RANBP10: variants seen among roughly 807,000 people sequenced by gnomAD.
The protein encoded by RANBP10 is ran-binding protein 10.
Under a neutral mutation model 72.8 loss-of-function variants are expected in RANBP10, and 24 were observed. The observed-to-expected ratio is 0.33, with a 90% CI of 0.24 to 0.46. The LOEUF (loss-of-function observed/expected upper bound fraction) is 0.46, where lower values mean the gene tolerates loss of function less well. RANBP10 is among the 20% of genes least tolerant of loss of function. The probability of loss-of-function intolerance (pLI) is 1.00; values close to 1 mark genes in which losing one functional copy is unlikely to be tolerated. For synonymous variants in RANBP10, 310 were observed against 322.3 expected (o/e 0.96, Z 0.41); for missense variants, 679 against 817.5 (o/e 0.83, Z 2.07).
At chr16:67,805,335 A>C (rs2055347868) in intron 2 of RANBP10, 93 bp downstream of exon 2, 1 of 1,121,034 alleles carries the variant, frequency 8.9e-7, no homozygotes, top group Non-Finnish European at 1.3e-6. Context: ...TCCCCAGCTC[A>C]CATCAGCAAC....
At chr16:67,750,480 G>A (rs1431509088) in intron 3 of RANBP10, among the ~76,000 whole-genome samples, 2 of 152,214 alleles carry the variant, frequency 1.3e-5, no homozygotes, top group South Asian at 2.1e-4. Context: ...CACTGTTCCC[G>A]GGACTGTCCA....
At chr16:67,753,129 T>A (rs1172965187) in intron 3 of RANBP10, among the ~76,000 whole-genome samples, 1 of 147,100 alleles carries the variant, frequency 6.8e-6, no homozygotes, top group Non-Finnish European at 1.5e-5. Flanking sequence ...TGGTCCCAGC[T>A]ACACAGGAGG....
intron 2 of RANBP10, among the ~76,000 whole-genome samples, chr16:67,775,631 G>A (rs547854072): frequency 1.3e-5 from 2 of 151,840 alleles, no homozygotes; most frequent in East Asian, 1.9e-4. Flanking sequence ...TAGGCAACAC[G>A]GCAATATCCT....
chr16:67,763,986 T>C (rs1489650279), intron 3 of RANBP10, among the ~76,000 whole-genome samples: 2 of 152,174 alleles, frequency 1.3e-5, no homozygotes, highest in East Asian at 3.8e-4. Flanking sequence ...CATGAGCCAC[T>C]GCGTCCAACC....
Position 67,729,740 on chromosome 16 carries a change from G to T in RANBP10, c.1087C>A (p.Pro363Thr), listed in dbSNP as rs1156538484. The part of the protein sequence containing the change: ...SRSPKSQDSY[P>T]GSPSLSPRHG... The stretch of plus-strand genomic sequence containing the variant: ...CGGGGACTGAGGCTGGGGGAGCCAG[G>T]GTAGCTGTCCTGGGACTTGGGGCTT... Residue 363 changes from proline (P) to threonine (T), a missense_variant, in exon 9 of 14, where the codon CCT (proline) becomes ACT (threonine). Transcript: ENST00000317506. This position sits in a 1 kb window ranked among gnomAD's most constrained non-coding sequence, Gnocchi z 7.1. 3 of 1,614,124 alleles carry T rather than the reference G, an allele frequency of 1.9e-6. No individual in the cohort carries two copies. The South Asian group carries it at 3.3e-5, about 18-fold the overall frequency.
intron 2 of RANBP10, among the ~76,000 whole-genome samples, chr16:67,801,187 T>C (rs1316158303): frequency 6.6e-5 from 10 of 152,134 alleles, no homozygotes; most frequent in Non-Finnish European, 1.0e-4. Context: ...TGTACTCAAA[T>C]CTACAGAAAA....
chr16:67,791,875 C>T (rs1457516059), intron 2 of RANBP10, among the ~76,000 whole-genome samples: 2 of 151,944 alleles, frequency 1.3e-5, no homozygotes, highest in African/African-American at 4.8e-5. Flanking sequence ...ATAGTCTAAT[C>T]GGCCCACTTA....
intron 2 of RANBP10, among the ~76,000 whole-genome samples, chr16:67,789,022 C>T (rs2143017730): frequency 6.8e-6 from 1 of 146,938 alleles, no homozygotes; most frequent in East Asian, 2.0e-4. Context: ...AAAAATTATC[C>T]AGGCAGGCCG....
intron 12 of RANBP10, 79 bp from the exon 13 acceptor site, chr16:67,727,517 A>G: frequency 7.1e-7 from 1 of 1,411,964 alleles, no homozygotes; most frequent in Non-Finnish European, 9.8e-7. Context: ...AGAGGGAGAC[A>G]GGGCCCTGCA....
At chr16:67,767,938 C>T (rs537601177) in intron 3 of RANBP10, among the ~76,000 whole-genome samples, 23 of 152,056 alleles carry the variant, frequency 1.5e-4, no homozygotes, top group Non-Finnish European at 2.5e-4. Flanking sequence ...TGGTGGTGTG[C>T]ACCTGTAGTC....
At chr16:67,778,087 C>T (rs2054741138) in intron 2 of RANBP10, among the ~76,000 whole-genome samples, 1 of 152,164 alleles carries the variant, frequency 6.6e-6, no homozygotes. Flanking sequence ...CGGTGGCTCA[C>T]GCCTGTAATC....
At chr16:67,727,218 A>G (rs1478877689) in intron 13 of RANBP10, 109 bp downstream of exon 13, 3 of 1,098,560 alleles carry the variant, frequency 2.7e-6, no homozygotes, top group African/African-American at 1.6e-5. Flanking sequence ...GCTTAAACCC[A>G]GGAGGCAGAG....
chr16:67,805,288 A>G, intron 2 of RANBP10, 140 bp downstream of exon 2: 1 of 639,468 alleles, frequency 1.6e-6, no homozygotes, highest in Non-Finnish European at 2.7e-6. Flanking sequence ...GACCATGCCC[A>G]CAGTCAGGAA....
At chr16:67,751,129 A>G (rs2054187969) in intron 3 of RANBP10, among the ~76,000 whole-genome samples, 1 of 152,210 alleles carries the variant, frequency 6.6e-6, no homozygotes, top group African/African-American at 2.4e-5. Flanking sequence ...CAATTTGGTC[A>G]TTTGATTTAT....
intron 2 of RANBP10, among the ~76,000 whole-genome samples, chr16:67,804,834 T>C (rs553744379): frequency 3.9e-5 from 6 of 152,290 alleles, no homozygotes; most frequent in African/African-American, 1.4e-4. Flanking sequence ...TGGCTCCTAA[T>C]GCTGACTTTA....
chr16:67,751,002 G>A (rs573946082), intron 3 of RANBP10, among the ~76,000 whole-genome samples: 74 of 152,164 alleles, frequency 4.9e-4, no homozygotes, highest in Middle Eastern at 3.4e-3. Context: ...TCCTGATCTC[G>A]TGATCTGCCC....
chr16:67,742,202 G>A (rs540217852), intron 4 of RANBP10, among the ~76,000 whole-genome samples: 5 of 151,996 alleles, frequency 3.3e-5, no homozygotes, highest in East Asian at 1.9e-4. Context: ...GAGCCACCGC[G>A]CTCGGCCAAC....
chr16:67,754,570 G>A (rs1394013008), intron 3 of RANBP10, among the ~76,000 whole-genome samples: 1 of 152,198 alleles, frequency 6.6e-6, no homozygotes, highest in Non-Finnish European at 1.5e-5. Flanking sequence ...TTGTACAGTG[G>A]AGAGGAACTG....
chr16:67,784,222 T>C (rs779463870), intron 2 of RANBP10, among the ~76,000 whole-genome samples: 14 of 152,044 alleles, frequency 9.2e-5, no homozygotes, highest in Non-Finnish European at 1.9e-4. Context: ...TGGTTCAACA[T>C]AAGAAAATCA....
Sources: gnomAD v4.1 joint callset for allele counts (sites outside exome capture counted in the v4.1 genomes callset) on GRCh38, gnomAD v4.1.1 for gene constraint, Gnocchi (gnomAD v3.1) non-coding constraint, MANE v1.5 for transcripts, NCBI Gene and HGNC (gene_info 2026-07-23, HGNC 2026-07-21) for gene names.